SEMA3E: variants seen among roughly 807,000 people sequenced by gnomAD.
SEMA3E encodes the protein semaphorin-3E.
Under a neutral mutation model 93.6 loss-of-function variants are expected in SEMA3E, and 49 were observed. The ratio of observed to expected loss-of-function variants is 0.52; its 90% confidence interval spans 0.42 to 0.66. The LOEUF (loss-of-function observed/expected upper bound fraction) is 0.66, where lower values mean the gene tolerates loss of function less well. Ranked by LOEUF, SEMA3E falls within the 30% of genes least tolerant of loss-of-function variation. The probability of loss-of-function intolerance (pLI) is 0.00; values close to 1 mark genes in which losing one functional copy is unlikely to be tolerated. For missense variants in SEMA3E, 906 were observed against 964.8 expected, an observed-to-expected ratio of 0.94 and a Z score of 0.81; for synonymous variants, 363 against 330.7, an observed-to-expected ratio of 1.10 and a Z score of -1.06.
intron 1 of SEMA3E, among the ~76,000 whole-genome samples, chr7:83,549,350 T>G (rs1173104881): frequency 6.6e-6 from 1 of 152,172 alleles, no homozygotes; most frequent in East Asian, 1.9e-4. Flanking sequence ...AGCCCATCCA[T>G]CAGATGGACC....
intron 1 of SEMA3E, among the ~76,000 whole-genome samples, chr7:83,526,215 G>A (rs974429394): frequency 1.3e-5 from 2 of 152,020 alleles, no homozygotes; most frequent in Admixed American, 6.6e-5. Flanking sequence ...ACACCATGGA[G>A]GTCGGAAAAT....
chr7:83,390,795 T>C (rs146233110), intron 14 of SEMA3E, among the ~76,000 whole-genome samples: 137 of 152,324 alleles, frequency 9.0e-4, no homozygotes, highest in African/African-American at 3.2e-3. Flanking sequence ...CATGCCTTCC[T>C]GTCTACTATT....
At chr7:83,647,293 C>A (rs1488713723) in intron 1 of SEMA3E, among the ~76,000 whole-genome samples, 1 of 152,088 alleles carries the variant, frequency 6.6e-6, no homozygotes, top group Non-Finnish European at 1.5e-5. Context: ...CCAAACGTGT[C>A]ACATAAAATT....
At chr7:83,445,103 C>T (rs943832119) in intron 4 of SEMA3E, among the ~76,000 whole-genome samples, 1 of 152,104 alleles carries the variant, frequency 6.6e-6, no homozygotes, top group African/African-American at 2.4e-5. Context: ...AGACATTTAC[C>T]AACTAGAAGG....
At chr7:83,637,159 T>C (rs181852579) in intron 1 of SEMA3E, among the ~76,000 whole-genome samples, 190 of 152,198 alleles carry the variant, frequency 1.2e-3, no homozygotes, top group Admixed American at 2.5e-3. Context: ...TTGTTTACAA[T>C]ATACATTGTA....
At chr7:83,392,407 A>T (rs890768648) in intron 14 of SEMA3E, 148 bp downstream of exon 14, 1 of 878,138 alleles carries the variant, frequency 1.1e-6, no homozygotes, top group Non-Finnish European at 1.7e-6. Context: ...GTGAAAAAAT[A>T]AAAGGTCAAC....
At chr7:83,444,038 T>C (rs1426363571) in intron 4 of SEMA3E, among the ~76,000 whole-genome samples, 1 of 152,144 alleles carries the variant, frequency 6.6e-6, no homozygotes, top group Non-Finnish European at 1.5e-5. Flanking sequence ...CTTGAGATAC[T>C]AATTCAAAAT....
chr7:83,418,014 A>T (rs981891293), intron 5 of SEMA3E, among the ~76,000 whole-genome samples: 1 of 152,216 alleles, frequency 6.6e-6, no homozygotes, highest in African/African-American at 2.4e-5. Flanking sequence ...AAAGTTCTCT[A>T]AAGTCACAAA....
At chr7:83,443,280 G>A (rs1789156594) in intron 4 of SEMA3E, among the ~76,000 whole-genome samples, 1 of 152,076 alleles carries the variant, frequency 6.6e-6, no homozygotes, top group Non-Finnish European at 1.5e-5. Context: ...TAGAGCTCCT[G>A]AACAAAAATC....
intron 1 of SEMA3E, among the ~76,000 whole-genome samples, chr7:83,585,954 C>A (rs1792617576): frequency 6.6e-6 from 1 of 152,150 alleles, no homozygotes; most frequent in Non-Finnish European, 1.5e-5. Context: ...ATACTACATT[C>A]AATGGCCTGC....
At chr7:83,565,945 T>C (rs968679301) in intron 1 of SEMA3E, among the ~76,000 whole-genome samples, 12 of 151,404 alleles carry the variant, frequency 7.9e-5, no homozygotes, top group Non-Finnish European at 1.3e-4. Context: ...ACAACACATA[T>C]AAAAATTGTA....
chr7:83,490,163 T>A lies in SEMA3E; in HGVS notation c.227A>T (p.Asp76Val), dbSNP rs1316108070. ...YQERLFVGGR[D>V]LVYSLSLERI... ...CTCCAAGCTGAGGGAATATACAAGG[T>A]CCCTGCCTCCCACGAAGAGCCTCTC... Residue 76 changes from aspartate (D) to valine (V), a missense_variant, in exon 2 of 17, where the codon GAC becomes GTC. Asp to Val is a radical substitution (Grantham distance 152). Transcript: ENST00000643230. The A allele has an allele frequency of 5.0e-6, 8 of 1,612,922 alleles. No homozygotes were observed. The highest frequency in any genetic ancestry group is 4.0e-5 in the African/African-American group (3 of 74,836).
chr7:83,559,990 C>T (rs1361304207), intron 1 of SEMA3E, among the ~76,000 whole-genome samples: 3 of 151,912 alleles, frequency 2.0e-5, no homozygotes, highest in Admixed American at 2.0e-4. Flanking sequence ...ATGATTCCAA[C>T]TATATGGCAT....
chr7:83,593,309 T>TTG (rs1792797916), intron 1 of SEMA3E, among the ~76,000 whole-genome samples: 1 of 125,286 alleles, frequency 8.0e-6, no homozygotes, highest in Non-Finnish European at 1.6e-5. Context: ...TGTGTGTGTG[T>TTG]GTGTGTGTGT....
At chr7:83,499,935 C>A (rs1187199258) in intron 1 of SEMA3E, among the ~76,000 whole-genome samples, 1 of 152,130 alleles carries the variant, frequency 6.6e-6, no homozygotes, top group Non-Finnish European at 1.5e-5. Flanking sequence ...AAGTCCTATG[C>A]ACTCCTATTC....
intron 1 of SEMA3E, among the ~76,000 whole-genome samples, chr7:83,568,815 A>G (rs1039747548): frequency 1.3e-5 from 2 of 152,148 alleles, no homozygotes; most frequent in African/African-American, 4.8e-5. Flanking sequence ...AACTGGAACA[A>G]GGCAAGGATG....
intron 1 of SEMA3E, among the ~76,000 whole-genome samples, chr7:83,616,125 T>C (rs1793363114): frequency 6.6e-6 from 1 of 152,096 alleles, no homozygotes; most frequent in East Asian, 1.9e-4. Context: ...TTATGTTCAG[T>C]TGGGGGTAAA....
intron 1 of SEMA3E, among the ~76,000 whole-genome samples, chr7:83,529,559 G>A (rs1201667757): frequency 2.0e-5 from 3 of 152,072 alleles, no homozygotes; most frequent in Non-Finnish European, 4.4e-5. Flanking sequence ...CTATGCATAC[G>A]AAGAGACTTT....
chr7:83,624,287 G>A (rs1191779804), intron 1 of SEMA3E, among the ~76,000 whole-genome samples: 4 of 152,160 alleles, frequency 2.6e-5, no homozygotes. Flanking sequence ...GTAGGTCCTT[G>A]AGGAATCGTC....
Sources: gnomAD v4.1 joint callset for allele counts (sites outside exome capture counted in the v4.1 genomes callset) on GRCh38, gnomAD v4.1.1 for gene constraint, MANE v1.5 for transcripts, NCBI Gene and HGNC (gene_info 2026-07-23, HGNC 2026-07-21) for gene names.